Variants in DPYSL2 observed in about 807,000 individuals in gnomAD.
DPYSL2 encodes dihydropyrimidinase-related protein 2.
Under a neutral mutation model 69.9 loss-of-function variants are expected in DPYSL2, and 13 were observed. The observed-to-expected ratio is 0.19, with a 90% CI of 0.12 to 0.30. The LOEUF (loss-of-function observed/expected upper bound fraction) is 0.30, where lower values mean the gene tolerates loss of function less well. Among genes scored for constraint, DPYSL2 ranks in the 10% least tolerant of loss-of-function variants. DPYSL2 has a pLI of 1.00. For synonymous variants in DPYSL2, 326 were observed against 359.1 expected, an observed-to-expected ratio of 0.91 and a Z score of 1.04; for missense variants, 587 against 918.9, an observed-to-expected ratio of 0.64 and a Z score of 4.67.
At position 26,626,508 on chromosome 8, in the gene DPYSL2, C is replaced by T. The variant is rs1802615780; in HGVS notation, c.794-109C>T. ...ACACACACACACACACACACACACA[C>T]ACACACACACACACGTACACACACA... On this transcript the variant is annotated intron_variant, in intron 4 of 13. Transcript: ENST00000521913. This position sits in a 1 kb window ranked among gnomAD's most constrained non-coding sequence, Gnocchi z 4.3. 12 of 855,484 alleles carry T rather than the reference C, an allele frequency of 1.4e-5. No individual in the cohort carries two copies. Among genetic ancestry groups the T allele is most frequent in the Non-Finnish European group, 2.1e-5 (11 of 528,096 alleles). The allele number at this position is 855,484 out of a possible 1,614,324, so 53.0% of individuals were successfully genotyped here.
rs142142201 is a variant in DPYSL2 at position 26,610,888 on chromosome 8, A to G, written c.629-13255A>G. Among the ~76,000 whole-genome samples the G allele has an allele frequency of 0.012, 1,847 of 152,228 alleles. 29 individuals carry two copies. The highest frequency in any genetic ancestry group is 0.054 in the South Asian group (261 of 4,826). ...CAGAACAATGCTGTGAGTAGATACTATTATTAGGTCCATTTCACAGATAAG... is the reference window on the plus strand; with the variant it reads ...CAGAACAATGCTGTGAGTAGATACTGTTATTAGGTCCATTTCACAGATAAG... On this transcript the variant is annotated intron_variant, in intron 3 of 13. Transcript: ENST00000521913. The surrounding 1 kb of genome is among the most constrained non-coding windows in gnomAD (Gnocchi z 4.5).
rs1047784713 is a variant in DPYSL2, at chr8:26,533,525, T to C, written c.354+18846T>C. On this transcript the variant is annotated intron_variant, in intron 1 of 13. Transcript: ENST00000521913. This position sits in a 1 kb window ranked among gnomAD's most constrained non-coding sequence, Gnocchi z 4.8. ...TTTACCTGTAGATTTTGGATCCATT[T>C]TGAGTTAATTTTTCTATGTGGTATG... 2.0e-5 allele frequency among the ~76,000 whole-genome samples: 3 copies of C among 152,372 alleles called. No individual in the cohort carries two copies. Among genetic ancestry groups the C allele is most frequent in the Middle Eastern group, 3.4e-3 (1 of 294 alleles).
At chr8:26,636,172 AG>A (rs748650339) in intron 8 of DPYSL2, among the ~76,000 whole-genome samples, 1 of 148,702 alleles carries the variant, frequency 6.7e-6, no homozygotes, top group Non-Finnish European at 1.5e-5. Flanking sequence ...GAAATAAGAA[AG>A]CATTCACCTA....
At chr8:26,636,308 A>T (rs1434589391) in intron 8 of DPYSL2, among the ~76,000 whole-genome samples, 1 of 152,218 alleles carries the variant, frequency 6.6e-6, no homozygotes, top group Non-Finnish European at 1.5e-5. Flanking sequence ...CATTTGTGGG[A>T]ATCAGCCTCT....
intron 1 of DPYSL2, among the ~76,000 whole-genome samples, chr8:26,570,227 TTTCC>T (rs1286056905): frequency 1.8e-5 from 2 of 110,138 alleles, no homozygotes; most frequent in African/African-American, 5.7e-5. Context: ...GTCTGTCATG[TTTCC>T]TATGAGGGGA....
rs1478071628 is a variant in DPYSL2 at position 26,626,502 on chromosome 8, CACACACACACACACACACACGT to C, written c.794-105_794-84del. ...ACTGAAACACACACACACACACACA[CACACACACACACACACACACGT>C]ACACACACAGACAGTATTATCACTT... On this transcript the variant is annotated intron_variant, in intron 4 of 13. Coordinates refer to ENST00000521913, the MANE Select transcript of DPYSL2 (RefSeq NM_001197293.3). The surrounding 1 kb of genome is among the most constrained non-coding windows in gnomAD (Gnocchi z 4.3). 3.0e-5 allele frequency: 24 copies of C among 797,224 alleles called. No individual in the cohort carries two copies. Among genetic ancestry groups the C allele is most frequent in the Non-Finnish European group, 5.0e-5 (24 of 484,774 alleles). 49.4% of individuals were successfully genotyped at this position (797,224 alleles called of 1,614,324 possible). A position where few individuals can be genotyped will look rare whatever the true frequency, so the allele number is the denominator to read the frequency against.
In DPYSL2 at chr8:26,620,397, C is replaced by G. The variant is rs1378974013; in HGVS notation, c.629-3746C>G. Among the ~76,000 whole-genome samples the G allele has an allele frequency of 6.6e-6, 1 of 152,072 alleles. No individual in the cohort carries two copies. The highest frequency in any genetic ancestry group is 2.4e-5 in the African/African-American group (1 of 41,400). The stretch of plus-strand genomic sequence containing the variant: ...TCAGCCTCCTGAGTAGCTGGGATTA[C>G]AGGCACCTGCCACCACACCCAGTTA... On this transcript the variant is annotated intron_variant, in intron 3 of 13. Transcript: ENST00000521913. The surrounding 1 kb of genome is among the most constrained non-coding windows in gnomAD (Gnocchi z 4.5).
intron 1 of DPYSL2, chr8:26,577,852 T>C: frequency 1.9e-6 from 2 of 1,064,422 alleles, no homozygotes; most frequent in Non-Finnish European, 2.3e-6. Flanking sequence ...CAATCGCTGC[T>C]CGTCTCTCTC....
chr8:26,600,914 G>A (rs1801976662), intron 3 of DPYSL2, among the ~76,000 whole-genome samples: 1 of 152,204 alleles, frequency 6.6e-6, no homozygotes, highest in South Asian at 2.1e-4. Flanking sequence ...TCCTGATGGG[G>A]TGGGCAGATA....
intron 1 of DPYSL2, among the ~76,000 whole-genome samples, chr8:26,550,032 A>G (rs551988996): frequency 1.3e-5 from 2 of 152,332 alleles, no homozygotes; most frequent in Non-Finnish European, 2.9e-5. Context: ...TATTTTTAAG[A>G]TTCTTAATTG....
At position 26,644,288 on chromosome 8, in the gene DPYSL2, A is replaced by G. The variant is rs1218420937; in HGVS notation, c.1425+197A>G. 6.6e-6 allele frequency among the ~76,000 whole-genome samples: 1 copy of G among 152,096 alleles called. No individual in the cohort carries two copies. The highest frequency in any genetic ancestry group is 1.5e-5 in the Non-Finnish European group (1 of 68,036). On this transcript the variant is annotated intron_variant, in intron 10 of 13. Transcript: ENST00000521913. The surrounding 1 kb of genome is among the most constrained non-coding windows in gnomAD (Gnocchi z 4.5). ...TAGGTCATTTCTTCCTAAATATTACATATATATTTCTTTTTAAAACAATTT... is the reference window on the plus strand; with the variant it reads ...TAGGTCATTTCTTCCTAAATATTACGTATATATTTCTTTTTAAAACAATTT...
intron 3 of DPYSL2, among the ~76,000 whole-genome samples, chr8:26,608,363 C>T (rs1403014636): frequency 1.3e-5 from 2 of 152,006 alleles, no homozygotes; most frequent in African/African-American, 2.4e-5. Flanking sequence ...TTTCTCCATT[C>T]TTTCTGGTGT....
rs1803126958 is a variant in DPYSL2, at chr8:26,644,863, T to C, written c.1425+772T>C. Reference sequence around the variant, plus strand: ...ACATACACTGACCTTTAGAGGATCTTTGGGCTTTTTCATTTTAATGTTTTA... The same window carrying C: ...ACATACACTGACCTTTAGAGGATCTCTGGGCTTTTTCATTTTAATGTTTTA... On this transcript the variant is annotated intron_variant, in intron 10 of 13. Transcript: ENST00000521913. The surrounding 1 kb of genome is among the most constrained non-coding windows in gnomAD (Gnocchi z 4.5). 6.6e-6 allele frequency among the ~76,000 whole-genome samples: 1 copy of C among 152,180 alleles called. No individual in the cohort carries two copies. The highest frequency in any genetic ancestry group is 1.5e-5 in the Non-Finnish European group (1 of 68,036).
chr8:26,651,287 C>T (rs866491943), intron 11 of DPYSL2, among the ~76,000 whole-genome samples: 9 of 152,198 alleles, frequency 5.9e-5, no homozygotes, highest in Admixed American at 6.5e-5. Flanking sequence ...TCCGTGTTAC[C>T]AGCCGCTGCA....
At chr8:26,549,398 C>A (rs988840359) in intron 1 of DPYSL2, among the ~76,000 whole-genome samples, 1 of 151,700 alleles carries the variant, frequency 6.6e-6, no homozygotes, top group Non-Finnish European at 1.5e-5. Flanking sequence ...ATGAAAATGA[C>A]GGAACAGAAT....
chr8:26,627,837 C>T lies in DPYSL2; in HGVS notation c.937-35C>T, dbSNP rs368104032. On this transcript the variant is annotated intron_variant, in intron 6 of 13. Coordinates refer to ENST00000521913, the MANE Select transcript of DPYSL2 (RefSeq NM_001197293.3). The surrounding 1 kb of genome is among the most constrained non-coding windows in gnomAD (Gnocchi z 6.9). ...CCATCAGAGCTGTGCAAAATCCACT[C>T]TCCCTCACAGCCTGACTTTCTCTAA... 6.2e-7 allele frequency: 1 copy of T among 1,608,268 alleles called. No homozygotes were observed. Among genetic ancestry groups the T allele is most frequent in the Non-Finnish European group, 8.5e-7 (1 of 1,177,270 alleles).
At position 26,614,491 on chromosome 8, in the gene DPYSL2, T is replaced by G. The variant is rs1253870708; in HGVS notation, c.629-9652T>G. On this transcript the variant is annotated intron_variant, in intron 3 of 13. Transcript: ENST00000521913. The surrounding 1 kb of genome is among the most constrained non-coding windows in gnomAD (Gnocchi z 4.9). ...TTAGTGAGTTTTTGTTTTCCCTAAC[T>G]GGATTGTTGGCATTTTAAGGGCACA... Among the ~76,000 whole-genome samples the G allele has an allele frequency of 6.6e-6, 1 of 152,226 alleles. No homozygotes were observed. The highest frequency in any genetic ancestry group is 1.9e-4 in the East Asian group (1 of 5,198).
intron 3 of DPYSL2, among the ~76,000 whole-genome samples, chr8:26,622,403 A>G (rs962614691): frequency 7.2e-5 from 11 of 152,026 alleles, no homozygotes; most frequent in Non-Finnish European, 8.8e-5. Context: ...CTTACAAAAA[A>G]GTAAATTTTG....
chr8:26,621,325 G>T lies in DPYSL2; in HGVS notation c.629-2818G>T, dbSNP rs897041397. ...TCATCAGAAAAAAATTATTATTTCT[G>T]CTCATTCCCTTTGCTGGCCAGTGAA... is the stretch of plus-strand genomic sequence containing the variant. On this transcript the variant is annotated intron_variant, in intron 3 of 13. Transcript: ENST00000521913. The surrounding 1 kb of genome is among the most constrained non-coding windows in gnomAD (Gnocchi z 4.9). Among the ~76,000 whole-genome samples the T allele has an allele frequency of 6.6e-6, 1 of 152,114 alleles. No homozygotes were observed. Among genetic ancestry groups the T allele is most frequent in the Non-Finnish European group, 1.5e-5 (1 of 68,038 alleles).
Sources: allele counts gnomAD v4.1 joint callset (sites outside exome capture counted in the v4.1 genomes callset), GRCh38; gene constraint gnomAD v4.1.1; non-coding constraint Gnocchi (gnomAD v3.1); transcripts MANE v1.5; gene names NCBI Gene and HGNC (gene_info 2026-07-23, HGNC 2026-07-21).